The following KIAA1328 variants were observed in gnomAD, a reference collection of about 807,000 sequenced individuals.
KIAA1328 encodes KIAA1328.
A neutral mutation model predicts 68.1 loss-of-function variants in KIAA1328; 52 were observed. The ratio of observed to expected loss-of-function variants is 0.76; its 90% CI spans 0.61 to 0.96. The LOEUF is 0.96. Ranked by LOEUF, KIAA1328 falls within the 40% of genes least tolerant of loss-of-function variation. The pLI, the probability that KIAA1328 is intolerant of heterozygous loss-of-function variation, is 0.00. For synonymous variants in KIAA1328, 232 were observed against 239.4 expected (o/e 0.97, Z 0.28); for missense variants, 641 against 677.6 (o/e 0.95, Z 0.60).
chr18:37,062,302 A>G (rs941612719), intron 6 of KIAA1328, among the ~76,000 whole-genome samples: 2 of 152,170 alleles, frequency 1.3e-5, no homozygotes, highest in Admixed American at 1.3e-4. Context: ...TACACACCAC[A>G]TACAATGTTC....
intron 7 of KIAA1328, among the ~76,000 whole-genome samples, chr18:37,070,999 C>T (rs1460374714): frequency 1.0e-5 from 1 of 95,940 alleles, no homozygotes; most frequent in African/African-American, 3.5e-5. Flanking sequence ...CAGCCAGTTT[C>T]TTTTAATTGG....
chr18:36,990,671 A>T (rs1568261975), intron 6 of KIAA1328, among the ~76,000 whole-genome samples: 4 of 146,736 alleles, frequency 2.7e-5, no homozygotes, highest in Admixed American at 6.8e-5. Flanking sequence ...ACTCCGTCTA[A>T]ATATATATAT....
intron 7 of KIAA1328, among the ~76,000 whole-genome samples, chr18:37,150,348 A>G (rs1025894488): frequency 2.6e-5 from 4 of 152,172 alleles, no homozygotes; most frequent in African/African-American, 9.7e-5. Context: ...CTAGATGCCA[A>G]TAGCATCCCC....
At chr18:37,115,561 C>A (rs928589905) in intron 7 of KIAA1328, among the ~76,000 whole-genome samples, 1 of 152,174 alleles carries the variant, frequency 6.6e-6, no homozygotes, top group Non-Finnish European at 1.5e-5. Context: ...CAATATCATA[C>A]TGAATGGGCA....
rs1379038565 is a variant in KIAA1328, at chr18:37,069,650, T to C, written c.1232+2105T>C. Reference sequence around the variant, plus strand: ...CAGTGAAGCCATCTGGACCTGGAAATTTATTTTTTGAGACTTTTTAAATTC... The same window carrying C: ...CAGTGAAGCCATCTGGACCTGGAAACTTATTTTTTGAGACTTTTTAAATTC... On this transcript the variant is annotated intron_variant, in intron 7 of 9. Transcript: ENST00000280020. 2.0e-5 allele frequency among the ~76,000 whole-genome samples: 3 copies of C among 152,206 alleles called. No individual in the cohort carries two copies. The East Asian group carries it at 5.8e-4, about 29-fold the overall frequency.
At chr18:37,110,522 G>C (rs939227358) in intron 7 of KIAA1328, among the ~76,000 whole-genome samples, 2 of 152,136 alleles carry the variant, frequency 1.3e-5, no homozygotes, top group Non-Finnish European at 2.9e-5. Flanking sequence ...GCCATAAAAG[G>C]TTTTTATTTT....
At chr18:36,880,891 T>G (rs1485809157) in intron 4 of KIAA1328, among the ~76,000 whole-genome samples, 2 of 152,224 alleles carry the variant, frequency 1.3e-5, no homozygotes, top group African/African-American at 4.8e-5. Flanking sequence ...AATTTTCAAC[T>G]GTTAATCAAA....
intron 7 of KIAA1328, among the ~76,000 whole-genome samples, chr18:37,120,480 A>G (rs954082981): frequency 2.6e-5 from 4 of 152,188 alleles, no homozygotes; most frequent in Non-Finnish European, 4.4e-5. Flanking sequence ...ATGAGTAATT[A>G]TTTAGAATTC....
In KIAA1328 at chr18:37,098,206, G is replaced by A. The variant is rs573593294; in HGVS notation, c.1232+30661G>A. On this transcript the variant is annotated intron_variant, in intron 7 of 9. Coordinates refer to ENST00000280020, the MANE Select transcript of KIAA1328 (RefSeq NM_020776.3). ...GCCCATTCAGTATGGTATTGGCTGT[G>A]GGTTTGTCATAGATAGCTCTTATTA... is the stretch of plus-strand genomic sequence containing the variant. Among the ~76,000 whole-genome samples the A allele has an allele frequency of 2.6e-5, 4 of 152,216 alleles. No individual in the cohort carries two copies. The East Asian group carries it at 7.7e-4, about 29-fold the overall frequency.
At chr18:36,830,596 T>G (rs2046445847) in intron 1 of KIAA1328, among the ~76,000 whole-genome samples, 1 of 152,172 alleles carries the variant, frequency 6.6e-6, no homozygotes, top group African/African-American at 2.4e-5. Context: ...GGGGACAAGC[T>G]ATTGCAATGG....
At chr18:37,028,503 G>T (rs2629954) in intron 6 of KIAA1328, among the ~76,000 whole-genome samples, 150,200 of 152,058 alleles carry the variant, frequency 0.99, 74,200 homozygotes, top group East Asian at 1. Context: ...TCTCTTCCTG[G>T]TTAGATGCCT....
At chr18:36,869,379 G>A (rs1306836703) in intron 4 of KIAA1328, among the ~76,000 whole-genome samples, 1 of 151,802 alleles carries the variant, frequency 6.6e-6, no homozygotes, top group African/African-American at 2.4e-5. Context: ...TTTTTCTTTT[G>A]CGTAGTATGT....
intron 7 of KIAA1328, among the ~76,000 whole-genome samples, chr18:37,134,967 C>A (rs1023050591): frequency 6.6e-6 from 1 of 152,098 alleles, no homozygotes; most frequent in African/African-American, 2.4e-5. Flanking sequence ...TTTTCTTTTC[C>A]TGCATTAATT....
intron 4 of KIAA1328, among the ~76,000 whole-genome samples, chr18:36,871,427 A>G (rs2047941529): frequency 6.6e-6 from 1 of 152,110 alleles, no homozygotes; most frequent in Non-Finnish European, 1.5e-5. Flanking sequence ...AAACTTGATT[A>G]CCTGATTAAG....
At chr18:36,955,601 C>A (rs935430920) in intron 5 of KIAA1328, among the ~76,000 whole-genome samples, 1 of 152,078 alleles carries the variant, frequency 6.6e-6, no homozygotes, top group African/African-American at 2.4e-5. Flanking sequence ...AGCCACCGCA[C>A]CTGGCTGCTA....
chr18:37,200,743 G>A (rs559003357), intron 9 of KIAA1328, among the ~76,000 whole-genome samples: 95 of 151,418 alleles, frequency 6.3e-4, no homozygotes, highest in South Asian at 1.9e-3. Context: ...CCCGGGAAGC[G>A]GAGCTTGCAG....
chr18:37,064,674 G>A (rs1440165157), intron 6 of KIAA1328, among the ~76,000 whole-genome samples: 5 of 151,968 alleles, frequency 3.3e-5, no homozygotes, highest in Non-Finnish European at 7.4e-5. Context: ...ACCCAGGTAG[G>A]CCCAATCAAA....
At chr18:37,056,593 C>T (rs2055916881) in intron 6 of KIAA1328, among the ~76,000 whole-genome samples, 1 of 152,030 alleles carries the variant, frequency 6.6e-6, no homozygotes, top group Non-Finnish European at 1.5e-5. Flanking sequence ...TAGAAGTCGC[C>T]CTTGATGGAA....
chr18:37,036,170 C>T (rs1233368427), intron 6 of KIAA1328, among the ~76,000 whole-genome samples: 1 of 152,166 alleles, frequency 6.6e-6, no homozygotes, highest in Non-Finnish European at 1.5e-5. Flanking sequence ...TGCGTCTTTG[C>T]TCAGAAAACT....
Sources: gnomAD v4.1 joint callset for allele counts (sites outside exome capture counted in the v4.1 genomes callset) on GRCh38, gnomAD v4.1.1 for gene constraint, MANE v1.5 for transcripts, NCBI Gene and HGNC (gene_info 2026-07-23, HGNC 2026-07-21) for gene names.